Variants in COL27A1 observed in about 807,000 individuals in gnomAD.
The protein encoded by COL27A1 is collagen type XXVII alpha 1 chain, also known as collagen alpha-1(XXVII) chain.
COL27A1 carries 106 observed loss-of-function variants against 251.3 expected under a neutral mutation model. That is an observed-to-expected ratio of 0.42 (90% confidence interval 0.36 to 0.50). The LOEUF is 0.50. Ranked by LOEUF, COL27A1 falls within the 20% of genes least tolerant of loss-of-function variation. The probability of loss-of-function intolerance (pLI) is 0.00; values close to 1 mark genes in which losing one functional copy is unlikely to be tolerated. For synonymous variants in COL27A1, 1,000 were observed against 986.3 expected, an observed-to-expected ratio of 1.01 and a Z score of -0.26; for missense variants, 2,325 against 2,522.8, an observed-to-expected ratio of 0.92 and a Z score of 1.68.
At chr9:114,264,314 C>T in intron 28 of COL27A1, 41 bp from the exon 29 acceptor site, 1 of 1,503,316 alleles carries the variant, frequency 6.7e-7, no homozygotes, top group Non-Finnish European at 9.0e-7. Flanking sequence ...CCGAGGGAGA[C>T]CCCTGCTGTC....
intron 56 of COL27A1, among the ~76,000 whole-genome samples, chr9:114,303,883 C>T (rs1217467042): frequency 6.6e-6 from 1 of 152,234 alleles, no homozygotes; most frequent in Non-Finnish European, 1.5e-5. Flanking sequence ...AGAAAGGGGG[C>T]CTCCCTCATC....
chr9:114,194,429 C>T lies in COL27A1; in HGVS notation c.2042C>T (p.Ser681Leu). The T allele has an allele frequency of 6.2e-7, 1 of 1,612,914 alleles. No homozygotes were observed. Among genetic ancestry groups the T allele is most frequent in the Non-Finnish European group, 8.5e-7 (1 of 1,179,532 alleles). Residue 681 changes from serine to leucine, a missense_variant, in exon 6 of 61, where the codon TCA becomes TTA. Physicochemically the swap from Ser to Leu is moderately radical, Grantham distance 145. This residue lies in a region of COL27A1 where 1,183 missense variants were observed against 1,144.1 expected (regional missense o/e 1.03). Coordinates refer to ENST00000356083, the MANE Select transcript of COL27A1 (RefSeq NM_032888.4). ...AKGQKGDPGL[S>L]PGKAHDGAKG... Reference sequence around the variant, plus strand: ...GGACAGAAAGGGGACCCAGGGCTCTCACCAGGAAAGGCCCACGATGGGGCA... The same window carrying T: ...GGACAGAAAGGGGACCCAGGGCTCTTACCAGGAAAGGCCCACGATGGGGCA...
chr9:114,242,374 C>G (rs111509682), intron 22 of COL27A1, 143 bp downstream of exon 22: 2 of 593,564 alleles, frequency 3.4e-6, no homozygotes, highest in African/African-American at 1.9e-5. Flanking sequence ...AGGACAGACC[C>G]CAAAGGAGAG....
At chr9:114,156,801 AAG>A (rs1480875545) in intron 1 of COL27A1, among the ~76,000 whole-genome samples, 3 of 151,934 alleles carry the variant, frequency 2.0e-5, no homozygotes, top group African/African-American at 7.2e-5. Flanking sequence ...TAGGAGTTGT[AAG>A]AGAGAGTGAG....
Position 114,209,666 on chromosome 9 carries a change from C to CT in COL27A1, c.2269-6dup, listed in dbSNP as rs1564471589. ...TGACCGCTCTGACCCCCTTTCTTCT[C>CT]TTTCCTAGGGCTACATTGGGCTCCC... is the stretch of plus-strand genomic sequence containing the variant. On this transcript the variant is annotated splice_polypyrimidine_tract_variant and intron_variant, in intron 10 of 60. Coordinates refer to ENST00000356083, the MANE Select transcript of COL27A1 (RefSeq NM_032888.4). 1 of 1,614,168 alleles carries CT rather than the reference C, an allele frequency of 6.2e-7. No homozygotes were observed. The highest frequency in any genetic ancestry group is 2.2e-5 in the East Asian group (1 of 44,876).
At chr9:114,184,834 G>A (rs960081495) in intron 5 of COL27A1, among the ~76,000 whole-genome samples, 1 of 152,222 alleles carries the variant, frequency 6.6e-6, no homozygotes. Context: ...AGGCAGAGAG[G>A]CAGGAACTCA....
chr9:114,210,677 A>T (rs541836497), intron 11 of COL27A1, among the ~76,000 whole-genome samples: 1 of 152,078 alleles, frequency 6.6e-6, no homozygotes, highest in South Asian at 2.1e-4. Context: ...CTGAGCCCGT[A>T]TCTATGGGAA....
intron 3 of COL27A1, among the ~76,000 whole-genome samples, chr9:114,170,749 T>C (rs906044554): frequency 9.9e-5 from 15 of 152,180 alleles, no homozygotes; most frequent in Non-Finnish European, 1.3e-4. Flanking sequence ...GCGTAGAGAG[T>C]TGGGAGCCAC....
intron 37 of COL27A1, among the ~76,000 whole-genome samples, chr9:114,277,864 T>G (rs931633584): frequency 2.6e-5 from 4 of 152,152 alleles, no homozygotes; most frequent in Non-Finnish European, 5.9e-5. Context: ...CTAGGGACCC[T>G]TTTTTAGTGA....
intron 16 of COL27A1, among the ~76,000 whole-genome samples, chr9:114,233,501 T>C (rs1351140962): frequency 6.6e-6 from 1 of 152,206 alleles, no homozygotes; most frequent in Non-Finnish European, 1.5e-5. Context: ...TTGAAGGGGC[T>C]TTCTGATGGA....
At chr9:114,162,245 C>T (rs774609227) in intron 1 of COL27A1, among the ~76,000 whole-genome samples, 5 of 152,194 alleles carry the variant, frequency 3.3e-5, no homozygotes, top group Non-Finnish European at 5.9e-5. Context: ...TTCCCGCTGA[C>T]CTTTCACCCC....
At chr9:114,307,961 A>C (rs1829175274) in intron 59 of COL27A1, among the ~76,000 whole-genome samples, 183 bp downstream of exon 59, 1 of 152,176 alleles carries the variant, frequency 6.6e-6, no homozygotes, top group African/African-American at 2.4e-5. Context: ...AGTAGGACTA[A>C]TTTGTAACCA....
intron 7 of COL27A1, among the ~76,000 whole-genome samples, chr9:114,198,697 C>T (rs1829337747): frequency 6.6e-6 from 1 of 152,182 alleles, no homozygotes; most frequent in Admixed American, 6.5e-5. Context: ...AAAAAAGAGG[C>T]TGCCTGCCCG....
chr9:114,156,177 C>G (rs1283080269), intron 1 of COL27A1, among the ~76,000 whole-genome samples, 165 bp downstream of exon 1: 2 of 151,888 alleles, frequency 1.3e-5, no homozygotes, highest in Admixed American at 6.5e-5. Flanking sequence ...GGGCTGCGCC[C>G]CCGGCCGGGC....
At chr9:114,163,368 G>T (rs1848623408) in intron 2 of COL27A1, among the ~76,000 whole-genome samples, 1 of 150,598 alleles carries the variant, frequency 6.6e-6, no homozygotes, top group Non-Finnish European at 1.5e-5. Context: ...AGCCTCAGTT[G>T]TCCCTGTTTG....
At chr9:114,284,883 C>A in intron 41 of COL27A1, 106 bp downstream of exon 41, 1 of 1,235,680 alleles carries the variant, frequency 8.1e-7, no homozygotes, top group Non-Finnish European at 1.2e-6. Context: ...GCTGGAGAAG[C>A]CTGTGGGGGC....
chr9:114,306,321 T>C (rs905568040), intron 57 of COL27A1, 199 bp from the exon 58 acceptor site: 4 of 566,944 alleles, frequency 7.1e-6, no homozygotes, highest in South Asian at 2.2e-5. Context: ...TCTGAGCCAT[T>C]GTGATAGCCT....
chr9:114,243,484 A>C (rs779971226), intron 22 of COL27A1, 23 bp from the exon 23 acceptor site: 1 of 1,612,400 alleles, frequency 6.2e-7, no homozygotes, highest in Non-Finnish European at 8.5e-7. Flanking sequence ...AGCTTCTCCC[A>C]CTTACCTGTC....
In COL27A1 at chr9:114,169,435, C is replaced by T. The variant is rs562577846; in HGVS notation, c.1880C>T (p.Pro627Leu). ...STPFPLLMGP[P>L]GPKGDCGLPG... ...CCTTTCCCTCTGCTGATGGGGCCTC[C>T]GGGACCCAAGGGAGACTGTGGCTTG... is the stretch of plus-strand genomic sequence containing the variant. Residue 627 changes from proline (P) to leucine (L), a missense_variant, in exon 3 of 61, where the codon CCG becomes CTG. Pro to Leu is a moderately conservative substitution (Grantham distance 98). Around this residue, in one of 4 missense-constraint regions of COL27A1, gnomAD observed 1,183 missense variants for 1,144.1 expected, o/e 1.03. Coordinates refer to ENST00000356083, the MANE Select transcript of COL27A1 (RefSeq NM_032888.4). 2.8e-5 allele frequency: 44 copies of T among 1,561,492 alleles called. No homozygotes were observed. Among genetic ancestry groups the T allele is most frequent in the Admixed American group, 7.5e-5 (4 of 53,282 alleles).
Sources: allele counts gnomAD v4.1 joint callset (sites outside exome capture counted in the v4.1 genomes callset), GRCh38; gene constraint gnomAD v4.1.1; regional missense constraint gnomAD v4.1.1; transcripts MANE v1.5; gene names NCBI Gene and HGNC (gene_info 2026-07-23, HGNC 2026-07-21).